Variants in CHD7 observed in about 807,000 individuals in gnomAD.
CHD7 encodes ATP-dependent chromatin remodeler CHD7.
CHD7 carries 24 observed loss-of-function variants against 307.3 expected under a neutral mutation model. That is an observed-to-expected ratio of 0.08 (90% CI 0.06 to 0.11). The LOEUF (loss-of-function observed/expected upper bound fraction) is 0.11. Ranked by LOEUF, CHD7 falls within the 10% of genes least tolerant of loss-of-function variation. The pLI, the probability that CHD7 is intolerant of heterozygous loss-of-function variation, is 1.00. For synonymous variants in CHD7, 1,363 were observed against 1,349.9 expected (o/e 1.01, Z -0.21); for missense variants, 3,106 against 3,727.1 (o/e 0.83, Z 4.34).
intron 1 of CHD7, among the ~76,000 whole-genome samples, chr8:60,681,368 A>G (rs778554708): frequency 4.6e-5 from 7 of 152,132 alleles, no homozygotes; most frequent in Non-Finnish European, 1.0e-4. Context: ...TCCAGTCTTT[A>G]CCCTAAAATG....
At chr8:60,800,103 T>C (rs924113107) in intron 4 of CHD7, among the ~76,000 whole-genome samples, 3 of 152,036 alleles carry the variant, frequency 2.0e-5, no homozygotes, top group East Asian at 1.9e-4. Context: ...AAATCTCGGC[T>C]CACTGCAAGC....
In CHD7 at chr8:60,865,638, C is replaced by T. The variant is rs780993039; in HGVS notation, c.8699C>T (p.Pro2900Leu). The change falls in exon 38 of 38, where the codon CCG becomes CTG. Residue 2900 changes from proline (P) to leucine (L), a missense_variant. Around this residue, in one of 10 missense-constraint regions of CHD7, gnomAD observed 351 missense variants for 366.2 expected, o/e 0.96. Transcript: ENST00000423902. This position sits in a 1 kb window ranked among gnomAD's most constrained non-coding sequence, Gnocchi z 4.3. Reference protein sequence around the residue: ...FNPFLLSTMAPGLFYPSMFLP... With the variant: ...FNPFLLSTMALGLFYPSMFLP... The stretch of plus-strand genomic sequence containing the variant: ...CCTTTCCTCCTGTCCACAATGGCCC[C>T]GGGCCTCTTCTACCCATCCATGTTT... The T allele has an allele frequency of 8.1e-6, 13 of 1,611,676 alleles. 1 individual carries two copies. The highest frequency in any genetic ancestry group is 6.7e-5 in the East Asian group (3 of 44,850).
At chr8:60,839,342 AT>A (rs149027041) in intron 19 of CHD7, among the ~76,000 whole-genome samples, 59 of 152,304 alleles carry the variant, frequency 3.9e-4, no homozygotes, top group African/African-American at 1.4e-3. Flanking sequence ...GATAATGGAC[AT>A]CTGGGTTGTT....
intron 1 of CHD7, among the ~76,000 whole-genome samples, chr8:60,734,917 G>A (rs182830359): frequency 6.6e-6 from 1 of 152,316 alleles, no homozygotes; most frequent in Admixed American, 6.5e-5. Flanking sequence ...GTGTGAAAGC[G>A]TTGAGACCAG....
At chr8:60,857,596 A>C (rs1238550919) in intron 34 of CHD7, among the ~76,000 whole-genome samples, 1 of 152,180 alleles carries the variant, frequency 6.6e-6, no homozygotes, top group African/African-American at 2.4e-5. Context: ...GAACCTATTG[A>C]CCAGAAGCCC....
intron 1 of CHD7, among the ~76,000 whole-genome samples, chr8:60,689,107 A>G (rs1050315380): frequency 4.6e-5 from 7 of 152,232 alleles, no homozygotes; most frequent in Admixed American, 1.3e-4. Flanking sequence ...GAGATGGAGT[A>G]TAGACAATTT....
rs1341853394 is a variant in CHD7 at position 60,855,964 on chromosome 8, TCTCC to T, written c.6937-6_6937-3del. The T allele has an allele frequency of 6.4e-7, 1 of 1,572,690 alleles. No homozygotes were observed. Among genetic ancestry groups the T allele is most frequent in the East Asian group, 2.3e-5 (1 of 43,944 alleles). The stretch of plus-strand genomic sequence containing the variant: ...TGTTAAAATTTCTTGTGACTTTTCT[TCTCC>T]CTCCAGGATAGAGTAATGATAAACC... On this transcript the variant is annotated splice_polypyrimidine_tract_variant and splice_region_variant and intron_variant, in intron 32 of 37. Coordinates refer to ENST00000423902, the MANE Select transcript of CHD7 (RefSeq NM_017780.4).
At position 60,852,926 on chromosome 8, in the gene CHD7, G is replaced by T; in HGVS notation, c.6201G>T (p.Gln2067His). The change falls in exon 31 of 38, where the codon CAG (glutamine) becomes CAT (histidine). Residue 2067 changes from glutamine to histidine, a missense_variant. By Grantham distance (24) the Gln-to-His change is conservative. Around this residue, in one of 10 missense-constraint regions of CHD7, gnomAD observed 1,030 missense variants for 1,165.4 expected, o/e 0.88. Coordinates refer to ENST00000423902, the MANE Select transcript of CHD7 (RefSeq NM_017780.4). ...RIELLRKIRE[Q>H]VLHHPQLGER... ...AGCTGCTACGGAAGATCCGCGAGCA[G>T]GTTCTCCATCACCCCCAGCTGGGAG... 1 of 1,613,990 alleles carries T rather than the reference G, an allele frequency of 6.2e-7. No individual in the cohort carries two copies. Among genetic ancestry groups the T allele is most frequent in the Middle Eastern group, 1.6e-4 (1 of 6,062 alleles).
intron 6 of CHD7, among the ~76,000 whole-genome samples, chr8:60,805,695 A>G (rs1812504766): frequency 6.6e-6 from 1 of 152,180 alleles, no homozygotes; most frequent in Non-Finnish European, 1.5e-5. Flanking sequence ...GAATTATGGG[A>G]TGATGAGACC....
chr8:60,852,182 G>A lies in CHD7; in HGVS notation c.5829G>A (p.Arg1943=). ...TGAAGACTGACCGGCGCAGACGGCG[G>A]CCTCGAGAGGAAGTGAGAGCTCTGG... The part of the protein sequence containing the change: ...ALMKTDRRRR[R]PREEVRALEA... The change falls in exon 29 of 38, where the codon CGG becomes CGA. Residue 1943 remains arginine (R), a synonymous_variant. Transcript: ENST00000423902. The A allele has an allele frequency of 1.9e-6, 3 of 1,613,964 alleles. No homozygotes were observed. In the South Asian group the frequency reaches 3.3e-5, roughly 18 times the overall value.
chr8:60,829,210 C>T (rs77753062), intron 14 of CHD7, among the ~76,000 whole-genome samples: 4 of 152,322 alleles, frequency 2.6e-5, no homozygotes, highest in South Asian at 2.1e-4. Context: ...TCAGCCACAC[C>T]GCTTACTTCT....
At position 60,702,313 on chromosome 8, in the gene CHD7, T is replaced by G. The variant is rs971073372; in HGVS notation, c.-175+23231T>G. On this transcript the variant is annotated intron_variant, in intron 1 of 37. Transcript: ENST00000423902. ...TTCTAAATGTGGTGGGTATATAATCTGGAAAATATAGGATATTCTTATTTT... is the reference window on the plus strand; with the variant it reads ...TTCTAAATGTGGTGGGTATATAATCGGGAAAATATAGGATATTCTTATTTT... Among the ~76,000 whole-genome samples, 6 of 152,240 alleles carry G rather than the reference T, an allele frequency of 3.9e-5. No individual in the cohort carries two copies. The South Asian group carries it at 8.3e-4, about 21-fold the overall frequency.
At chr8:60,680,042 C>T (rs1805516167) in intron 1 of CHD7, among the ~76,000 whole-genome samples, 1 of 151,046 alleles carries the variant, frequency 6.6e-6, no homozygotes. Context: ...GCTGGCCGGG[C>T]CGCCGGCGGC....
At chr8:60,809,645 T>A (rs2150726581) in intron 7 of CHD7, 1 of 134,838 alleles carries the variant, frequency 7.4e-6, no homozygotes, top group East Asian at 2.1e-4. Flanking sequence ...AAAAGTCATT[T>A]GAGGTGAGGT....
At chr8:60,828,071 A>G (rs541694315) in intron 13 of CHD7, among the ~76,000 whole-genome samples, 1 of 152,318 alleles carries the variant, frequency 6.6e-6, no homozygotes, top group South Asian at 2.1e-4. Flanking sequence ...TAATTAAAGA[A>G]ATACCTAACT....
chr8:60,813,555 A>G, intron 7 of CHD7, among the ~76,000 whole-genome samples: 1 of 152,220 alleles, frequency 6.6e-6, no homozygotes, highest in East Asian at 1.9e-4. Context: ...ATATGTGTTA[A>G]CAAAATACCT....
At chr8:60,692,180 A>G (rs975128431) in intron 1 of CHD7, among the ~76,000 whole-genome samples, 14 of 152,066 alleles carry the variant, frequency 9.2e-5, no homozygotes, top group Non-Finnish European at 1.3e-4. Context: ...GTATTTTGGA[A>G]TATTGCAAGT....
At chr8:60,765,309 C>T (rs961655665) in intron 2 of CHD7, among the ~76,000 whole-genome samples, 3 of 57,094 alleles carry the variant, frequency 5.3e-5, no homozygotes, top group African/African-American at 1.0e-4. Context: ...CATGCATGCA[C>T]GCACGTGTAT....
intron 2 of CHD7, among the ~76,000 whole-genome samples, chr8:60,749,110 C>T (rs904487784): frequency 1.3e-5 from 2 of 151,646 alleles, no homozygotes; most frequent in Admixed American, 6.6e-5. Flanking sequence ...TGGTGGCTCA[C>T]GCCTGTAATC....
Sources: allele counts gnomAD v4.1 joint callset (sites outside exome capture counted in the v4.1 genomes callset), GRCh38; gene constraint gnomAD v4.1.1; regional missense constraint gnomAD v4.1.1; non-coding constraint Gnocchi (gnomAD v3.1); transcripts MANE v1.5; gene names NCBI Gene and HGNC (gene_info 2026-07-23, HGNC 2026-07-21).